MYO16: variants seen among roughly 807,000 people sequenced by gnomAD.
MYO16 encodes myosin XVI, also known as unconventional myosin-XVI.
A neutral mutation model predicts 205.3 loss-of-function variants in MYO16; 94 were observed. The ratio of observed to expected loss-of-function variants is 0.46; its 90% CI spans 0.39 to 0.54. The LOEUF (loss-of-function observed/expected upper bound fraction) is 0.54, where lower values mean the gene tolerates loss of function less well. Ranked by LOEUF, MYO16 falls within the 20% of genes least tolerant of loss-of-function variation. The pLI, the probability that MYO16 is intolerant of heterozygous loss-of-function variation, is 0.00. For missense variants in MYO16, 2,315 were observed against 2,387.5 expected, an observed-to-expected ratio of 0.97 and a Z score of 0.63; for synonymous variants, 988 against 954.0, an observed-to-expected ratio of 1.04 and a Z score of -0.66.
At chr13:109,171,173 G>A (rs1383092497) in intron 33 of MYO16, among the ~76,000 whole-genome samples, 1 of 152,136 alleles carries the variant, frequency 6.6e-6, no homozygotes, top group Non-Finnish European at 1.5e-5. Flanking sequence ...TGTTTGTTAC[G>A]GAGGAACCAG....
At chr13:108,844,255 T>C (rs1180027403) in intron 9 of MYO16, 88 bp from the exon 10 acceptor site, 2 of 1,086,988 alleles carry the variant, frequency 1.8e-6, no homozygotes, top group African/African-American at 1.6e-5. Context: ...AAAACCACCG[T>C]CATAGTCCAA....
Position 108,708,234 on chromosome 13 carries a change from A to T in MYO16, c.293-4427A>T, listed in dbSNP as rs529697916. Reference sequence around the variant, plus strand: ...GACATTTCTGTGGTGTTGATAACATAATTTCTATATTCCTGCTTCTTGCTT... The same window carrying T: ...GACATTTCTGTGGTGTTGATAACATTATTTCTATATTCCTGCTTCTTGCTT... On this transcript the variant is annotated intron_variant, in intron 2 of 34. Transcript: ENST00000457511. Among the ~76,000 whole-genome samples, 162 of 152,080 alleles carry T rather than the reference A, an allele frequency of 1.1e-3. 1 individual carries two copies. Among genetic ancestry groups the T allele is most frequent in the Non-Finnish European group, 1.7e-3 (115 of 68,002 alleles).
intron 20 of MYO16, among the ~76,000 whole-genome samples, chr13:108,974,308 A>G (rs1365489940): frequency 6.6e-6 from 1 of 152,158 alleles, no homozygotes; most frequent in Non-Finnish European, 1.5e-5. Flanking sequence ...AGCACTTAAT[A>G]TACTTATGAA....
chr13:108,782,022 T>A lies in MYO16; in HGVS notation c.508-3613T>A, dbSNP rs554709505. ...TGTAAAAACGAACTGATACAGTAAA[T>A]TGGTACCAGTAGAGTGGGGCATTGC... is the stretch of plus-strand genomic sequence containing the variant. On this transcript the variant is annotated intron_variant, in intron 4 of 34. Transcript: ENST00000457511. Among the ~76,000 whole-genome samples, 51 of 152,198 alleles carry A rather than the reference T, an allele frequency of 3.4e-4. No individual in the cohort carries two copies. The East Asian group carries it at 9.5e-3, about 28-fold the overall frequency.
intron 34 of MYO16, among the ~76,000 whole-genome samples, chr13:109,191,652 A>C (rs1879922204): frequency 6.6e-6 from 1 of 152,196 alleles, no homozygotes; most frequent in Non-Finnish European, 1.5e-5. Context: ...CCTGCATTGC[A>C]AAAAGGCTGG....
At chr13:108,959,976 GAAA>G (rs112435583) in intron 17 of MYO16, among the ~76,000 whole-genome samples, 1 of 126,612 alleles carries the variant, frequency 7.9e-6, no homozygotes. Flanking sequence ...TGATTTAAAG[GAAA>G]AAAAAAAAAA....
intron 32 of MYO16, among the ~76,000 whole-genome samples, chr13:109,156,376 G>A (rs1421932376): frequency 6.6e-6 from 1 of 152,164 alleles, no homozygotes; most frequent in Non-Finnish European, 1.5e-5. Context: ...TTCCCTTCAT[G>A]CAATAGCCTT....
chr13:108,820,068 A>G (rs921364550), intron 7 of MYO16, among the ~76,000 whole-genome samples: 21 of 152,218 alleles, frequency 1.4e-4, no homozygotes, highest in African/African-American at 5.1e-4. Context: ...TATAAACCTG[A>G]AAGTTATAAA....
intron 16 of MYO16, among the ~76,000 whole-genome samples, chr13:108,917,311 T>C (rs1881541009): frequency 6.6e-6 from 1 of 152,148 alleles, no homozygotes; most frequent in African/African-American, 2.4e-5. Flanking sequence ...GGCTCCTGCG[T>C]AGGGATGGGA....
chr13:108,883,603 T>C (rs1316038013), intron 13 of MYO16, among the ~76,000 whole-genome samples: 1 of 152,084 alleles, frequency 6.6e-6, no homozygotes, highest in Non-Finnish European at 1.5e-5. Context: ...GTTATTTACC[T>C]TTGCTCACAA....
At chr13:108,937,489 T>C (rs1053951545) in intron 16 of MYO16, among the ~76,000 whole-genome samples, 5 of 152,212 alleles carry the variant, frequency 3.3e-5, no homozygotes, top group Non-Finnish European at 5.9e-5. Context: ...TATTCTTTTC[T>C]TTCAGAAATG....
chr13:109,186,609 AACACACAC>A (rs112011251), intron 34 of MYO16, among the ~76,000 whole-genome samples: 1 of 149,484 alleles, frequency 6.7e-6, no homozygotes, highest in African/African-American at 2.5e-5. Context: ...TAAGCTTTTC[AACACACAC>A]ACACACACAC....
chr13:109,135,360 C>T (rs1463486500), intron 31 of MYO16, among the ~76,000 whole-genome samples: 4 of 152,176 alleles, frequency 2.6e-5, no homozygotes, highest in African/African-American at 4.8e-5. Context: ...AATAATTTTC[C>T]GTAGCTCTTA....
chr13:108,821,548 C>T (rs534826569), intron 8 of MYO16, among the ~76,000 whole-genome samples: 1 of 152,246 alleles, frequency 6.6e-6, no homozygotes, highest in South Asian at 2.1e-4. Context: ...AAGTCACATC[C>T]TCGGCTAACT....
intron 4 of MYO16, among the ~76,000 whole-genome samples, chr13:108,732,511 A>G (rs1249626691): frequency 1.3e-5 from 2 of 152,180 alleles, no homozygotes; most frequent in Non-Finnish European, 2.9e-5. Context: ...GTACATAGAA[A>G]GCTATGTGGC....
At chr13:108,900,143 T>C (rs559348852) in intron 15 of MYO16, among the ~76,000 whole-genome samples, 6 of 152,350 alleles carry the variant, frequency 3.9e-5, no homozygotes, top group East Asian at 1.9e-4. Flanking sequence ...TTTTCCTCTT[T>C]TTTATTTTTC....
intron 23 of MYO16, among the ~76,000 whole-genome samples, chr13:109,038,432 C>T (rs1295893287): frequency 6.6e-6 from 1 of 152,106 alleles, no homozygotes; most frequent in Non-Finnish European, 1.5e-5. Flanking sequence ...TATCAATCTC[C>T]TGCCCTTGGT....
the MYO16 span, among the ~76,000 whole-genome samples, chr13:108,540,397 C>T: frequency 6.6e-6 from 1 of 151,936 alleles, no homozygotes; most frequent in Non-Finnish European, 1.5e-5. Flanking sequence ...CTTTTTTTGG[C>T]CCATGTGGAT....
chr13:108,711,852 TTG>T (rs1379694463), intron 2 of MYO16, among the ~76,000 whole-genome samples: 1 of 152,186 alleles, frequency 6.6e-6, no homozygotes, highest in Non-Finnish European at 1.5e-5. Flanking sequence ...TGCTTTAATT[TTG>T]TGTGTGTGGA....
Sources: allele counts gnomAD v4.1 joint callset (sites outside exome capture counted in the v4.1 genomes callset), GRCh38; gene constraint gnomAD v4.1.1; transcripts MANE v1.5; gene names NCBI Gene and HGNC (gene_info 2026-07-23, HGNC 2026-07-21).